Variants in PIP5K1B observed in about 807,000 individuals in gnomAD.
PIP5K1B encodes the protein phosphatidylinositol 4-phosphate 5-kinase type-1 beta.
Under a neutral mutation model 67.0 loss-of-function variants are expected in PIP5K1B, and 42 were observed. The ratio of observed to expected loss-of-function variants is 0.63; its 90% CI spans 0.49 to 0.81. The LOEUF is 0.81. PIP5K1B is among the 30% of genes least tolerant of loss of function. The probability of loss-of-function intolerance (pLI) is 0.00; values close to 1 mark genes in which losing one functional copy is unlikely to be tolerated. For missense variants in PIP5K1B, 459 were observed against 646.3 expected, an observed-to-expected ratio of 0.71 and a Z score of 3.14; for synonymous variants, 214 against 231.4, an observed-to-expected ratio of 0.92 and a Z score of 0.68.
At chr9:68,922,263 G>A (rs1319784686) in intron 11 of PIP5K1B, among the ~76,000 whole-genome samples, 1 of 152,032 alleles carries the variant, frequency 6.6e-6, no homozygotes, top group Admixed American at 6.6e-5. Context: ...TCAGGAGTTC[G>A]AGACCAGCCT....
chr9:68,956,747 G>T (rs990035536), intron 14 of PIP5K1B, among the ~76,000 whole-genome samples: 1 of 152,192 alleles, frequency 6.6e-6, no homozygotes, highest in Non-Finnish European at 1.5e-5. Flanking sequence ...CAAGTAACAG[G>T]TAAGTATGGC....
At chr9:68,876,613 C>T (rs868543994) in intron 5 of PIP5K1B, 64 bp from the exon 6 acceptor site, 33 of 871,674 alleles carry the variant, frequency 3.8e-5, no homozygotes, top group East Asian at 3.6e-4. Flanking sequence ...CTACAATTTG[C>T]GGTCAAAATT....
At chr9:68,723,045 G>A (rs764861530) in intron 1 of PIP5K1B, among the ~76,000 whole-genome samples, 1 of 152,068 alleles carries the variant, frequency 6.6e-6, no homozygotes, top group Non-Finnish European at 1.5e-5. Context: ...TGAGAACATG[G>A]AATATTTGTC....
intron 8 of PIP5K1B, among the ~76,000 whole-genome samples, chr9:68,907,912 T>C (rs770383660): frequency 6.6e-6 from 1 of 152,252 alleles, no homozygotes; most frequent in Non-Finnish European, 1.5e-5. Context: ...TCCATTCTTC[T>C]TCTCTTTCTT....
At chr9:68,706,569 T>C (rs1003767755) in intron 1 of PIP5K1B, among the ~76,000 whole-genome samples, 2 of 152,226 alleles carry the variant, frequency 1.3e-5, no homozygotes, top group African/African-American at 4.8e-5. Flanking sequence ...TCGAATCTAC[T>C]GAAATCAGGG....
At chr9:68,996,204 G>C (rs141073799) in intron 15 of PIP5K1B, among the ~76,000 whole-genome samples, 4 of 152,218 alleles carry the variant, frequency 2.6e-5, no homozygotes, top group African/African-American at 9.7e-5. Context: ...CACATTATGT[G>C]TGTGTGCATT....
intron 6 of PIP5K1B, among the ~76,000 whole-genome samples, chr9:68,887,131 T>A (rs1407246967): frequency 6.6e-6 from 1 of 152,242 alleles, no homozygotes; most frequent in African/African-American, 2.4e-5. Context: ...AACTCATTCC[T>A]CACTCTTTGC....
chr9:68,733,860 G>T (rs12682815), intron 1 of PIP5K1B, among the ~76,000 whole-genome samples: 77,072 of 151,734 alleles, frequency 0.51, 20,569 homozygotes, highest in Middle Eastern at 0.64. Flanking sequence ...GGCTGGTCTC[G>T]ATCTCTTGAC....
At chr9:68,960,720 C>T (rs1281666910) in intron 14 of PIP5K1B, among the ~76,000 whole-genome samples, 10 of 152,204 alleles carry the variant, frequency 6.6e-5, no homozygotes, top group Admixed American at 2.6e-4. Flanking sequence ...TTTAGTATCC[C>T]GTTCTTTTAT....
chr9:68,949,910 T>C (rs762879796), intron 14 of PIP5K1B, among the ~76,000 whole-genome samples: 4 of 152,224 alleles, frequency 2.6e-5, no homozygotes, highest in Non-Finnish European at 5.9e-5. Flanking sequence ...GTTGGCTACA[T>C]CTGATTGGCC....
At chr9:68,826,779 T>G (rs1327784022) in intron 4 of PIP5K1B, among the ~76,000 whole-genome samples, 1 of 152,038 alleles carries the variant, frequency 6.6e-6, no homozygotes, top group Non-Finnish European at 1.5e-5. Context: ...TGAGATGGAG[T>G]CTCACTCTAT....
intron 4 of PIP5K1B, among the ~76,000 whole-genome samples, chr9:68,848,919 G>A (rs921042269): frequency 1.3e-5 from 2 of 152,130 alleles, no homozygotes; most frequent in African/African-American, 4.8e-5. Context: ...CAGGAAAATG[G>A]AGACTAAAAC....
At chr9:68,816,400 A>G (rs1197192038) in intron 2 of PIP5K1B, among the ~76,000 whole-genome samples, 1 of 152,200 alleles carries the variant, frequency 6.6e-6, no homozygotes, top group Admixed American at 6.5e-5. Flanking sequence ...AAGTGCTGGA[A>G]TTACAAGCGT....
In PIP5K1B at chr9:68,825,615, GACC is replaced by G. The variant is rs144311651; in HGVS notation, c.69+2933_69+2935del. 3.6e-4 allele frequency among the ~76,000 whole-genome samples: 55 copies of G among 152,286 alleles called. 1 individual carries two copies. Among genetic ancestry groups the G allele is most frequent in the Admixed American group, 3.9e-4 (6 of 15,292 alleles). On this transcript the variant is annotated intron_variant, in intron 4 of 15. Transcript: ENST00000265382. ...CACAGATTTACTAAGAAGCTTTGAT[GACC>G]CATTGTGTTTTTGCATTGACTGAAG...
chr9:68,808,987 A>C (rs963772807), intron 2 of PIP5K1B, among the ~76,000 whole-genome samples: 1 of 152,250 alleles, frequency 6.6e-6, no homozygotes, highest in Non-Finnish European at 1.5e-5. Flanking sequence ...GCTTCTAAGC[A>C]TACAAATGTG....
intron 4 of PIP5K1B, among the ~76,000 whole-genome samples, chr9:68,857,867 G>A (rs1331127801): frequency 6.6e-6 from 1 of 152,080 alleles, no homozygotes; most frequent in Admixed American, 6.5e-5. Context: ...GGTGGTTACC[G>A]AAGAGGAATG....
chr9:68,900,712 GT>G (rs1825314773), intron 8 of PIP5K1B, among the ~76,000 whole-genome samples: 1 of 151,992 alleles, frequency 6.6e-6, no homozygotes, highest in Admixed American at 6.5e-5. Context: ...TATAATTTTT[GT>G]TGAGCCGCAT....
At chr9:68,939,885 A>G (rs977891663) in intron 13 of PIP5K1B, among the ~76,000 whole-genome samples, 1 of 152,210 alleles carries the variant, frequency 6.6e-6, no homozygotes, top group Non-Finnish European at 1.5e-5. Context: ...AATTGTATTT[A>G]TTAGCATCTA....
chr9:68,949,256 C>T lies in PIP5K1B; in HGVS notation c.1502+8466C>T, dbSNP rs111852933. ...TTTGTAGACACTCTTCAATTCTCTG[C>T]CCTCCTTCGTGGAGCCTCTAGAGAA... is the stretch of plus-strand genomic sequence containing the variant. On this transcript the variant is annotated intron_variant, in intron 14 of 15. Coordinates refer to ENST00000265382, the MANE Select transcript of PIP5K1B (RefSeq NM_003558.4). Among the ~76,000 whole-genome samples, 4 of 152,332 alleles carry T rather than the reference C, an allele frequency of 2.6e-5. 1 individual carries two copies. Among genetic ancestry groups the T allele is most frequent in the African/African-American group, 9.6e-5 (4 of 41,580 alleles).
Sources: gnomAD v4.1 joint callset for allele counts (sites outside exome capture counted in the v4.1 genomes callset) on GRCh38, gnomAD v4.1.1 for gene constraint, MANE v1.5 for transcripts, NCBI Gene and HGNC (gene_info 2026-07-23, HGNC 2026-07-21) for gene names.